MMP26: variants seen among roughly 807,000 people sequenced by gnomAD.
MMP26 encodes the protein matrix metalloproteinase-26.
A neutral mutation model predicts 31.0 loss-of-function variants in MMP26; 33 were observed. That is an observed-to-expected ratio of 1.06 (90% CI 0.81 to 1.42). MMP26 has a LOEUF of 1.42. Among genes scored for constraint, MMP26 ranks in the 40% most tolerant of loss-of-function variants. The pLI is 0.00. For synonymous variants in MMP26, 122 were observed against 114.9 expected (o/e 1.06, Z -0.40); for missense variants, 347 against 316.1 (o/e 1.10, Z -0.74).
At chr11:4,915,429 A>G in intron 2 of MMP26, 1 of 1,614,062 alleles carries the variant, frequency 6.2e-7, no homozygotes, top group Non-Finnish European at 8.5e-7. Flanking sequence ...GTGCAAAGGG[A>G]GAGACCCAGG....
At chr11:4,893,529 GTCTGCTTTGA>G (rs1216683723) in intron 2 of MMP26, among the ~76,000 whole-genome samples, 1 of 152,006 alleles carries the variant, frequency 6.6e-6, no homozygotes, top group Non-Finnish European at 1.5e-5. Flanking sequence ...CCTCAGAAAG[GTCTGCTTTGA>G]ACACCCTCAC....
At chr11:4,985,157 C>T (rs1320334526) in intron 2 of MMP26, among the ~76,000 whole-genome samples, 1 of 139,632 alleles carries the variant, frequency 7.2e-6, no homozygotes, top group Non-Finnish European at 1.6e-5. Context: ...TCATTTAATA[C>T]ATAATCTGAC....
intron 1 of MMP26, among the ~76,000 whole-genome samples, chr11:4,738,619 G>C (rs1299795890): frequency 1.3e-5 from 2 of 152,050 alleles, no homozygotes; most frequent in African/African-American, 4.8e-5. Context: ...AAAGAATTTG[G>C]CTTTTACCTC....
intron 6 of MMP26, 125 bp downstream of exon 6, chr11:4,991,621 C>T: frequency 3.3e-6 from 4 of 1,206,924 alleles, no homozygotes; most frequent in Non-Finnish European, 4.6e-6. Flanking sequence ...GGAATCAGGT[C>T]TTCTTTATAA....
intron 2 of MMP26, among the ~76,000 whole-genome samples, chr11:4,789,494 A>C (rs1445965237): frequency 1.4e-5 from 2 of 146,848 alleles, no homozygotes; most frequent in Non-Finnish European, 3.0e-5. Flanking sequence ...TTACCAGTAT[A>C]CAAGTTGATT....
intron 2 of MMP26, among the ~76,000 whole-genome samples, chr11:4,957,598 T>C (rs1257510028): frequency 6.6e-6 from 1 of 152,144 alleles, no homozygotes; most frequent in Non-Finnish European, 1.5e-5. Flanking sequence ...AACTCCACCT[T>C]ACACTCCCAC....
At chr11:4,784,174 A>C (rs1185770697) in intron 2 of MMP26, among the ~76,000 whole-genome samples, 1 of 152,196 alleles carries the variant, frequency 6.6e-6, no homozygotes, top group Admixed American at 6.5e-5. Flanking sequence ...AATATCTGGC[A>C]GTTAATAATG....
chr11:4,821,782 G>A (rs267602910), intron 2 of MMP26: 3 of 1,613,234 alleles, frequency 1.9e-6, no homozygotes, highest in African/African-American at 1.3e-5. Flanking sequence ...ACTGGCCATG[G>A]CCTTTGATCG....
chr11:4,988,910 G>A (rs1443692681), intron 3 of MMP26, among the ~76,000 whole-genome samples: 1 of 152,048 alleles, frequency 6.6e-6, no homozygotes, highest in Non-Finnish European at 1.5e-5. Context: ...CAGCTCAGCT[G>A]ATAATAAAAC....
At chr11:4,781,591 AAAAAAAAAAAAAAAAACT>A (rs2133432648) in intron 2 of MMP26, among the ~76,000 whole-genome samples, 1 of 61,170 alleles carries the variant, frequency 1.6e-5, no homozygotes, top group South Asian at 3.6e-4. Context: ...AAAAAAAAAA[AAAAAAAAAAAAAAAAACT>A]GATTGCATAA....
At chr11:4,818,756 G>T (rs149994761) in intron 2 of MMP26, among the ~76,000 whole-genome samples, 1 of 151,970 alleles carries the variant, frequency 6.6e-6, no homozygotes, top group Non-Finnish European at 1.5e-5. Context: ...TGTTTTTCTC[G>T]TTTATGTGTT....
At chr11:4,861,395 G>T (rs916717203) in intron 2 of MMP26, among the ~76,000 whole-genome samples, 2 of 150,284 alleles carry the variant, frequency 1.3e-5, no homozygotes, top group African/African-American at 2.4e-5. Context: ...ATATACATAC[G>T]CATAAATGTA....
At chr11:4,782,739 A>G (rs1404881143) in intron 2 of MMP26, among the ~76,000 whole-genome samples, 1 of 152,176 alleles carries the variant, frequency 6.6e-6, no homozygotes, top group Non-Finnish European at 1.5e-5. Context: ...GGCCAGGCCC[A>G]AGGTCTCTGT....
Position 4,882,860 on chromosome 11 carries a change from G to A in MMP26, c.-144-105208G>A, listed in dbSNP as rs374594879. 1.5e-5 allele frequency: 24 copies of A among 1,612,736 alleles called. No homozygotes were observed. In the Admixed American group the frequency reaches 3.3e-4, roughly 22 times the overall value. ...GGGTTCATGGGGTTTTAATGTGAGG[G>A]GTCTTAGGGGAAGATGGGATTGAAG... is the stretch of plus-strand genomic sequence containing the variant. On this transcript the variant is annotated intron_variant, in intron 2 of 7. Coordinates refer to ENST00000380390, the MANE Select transcript of MMP26 (RefSeq NM_021801.5).
intron 2 of MMP26, chr11:4,915,731 T>C (rs1851078296): frequency 3.0e-6 from 3 of 1,005,102 alleles, no homozygotes; most frequent in Non-Finnish European, 4.5e-6. Flanking sequence ...GCAGTACTGG[T>C]GATTGCACCT....
chr11:4,911,485 G>T (rs1850990761), intron 2 of MMP26, among the ~76,000 whole-genome samples: 1 of 152,090 alleles, frequency 6.6e-6, no homozygotes, highest in Non-Finnish European at 1.5e-5. Context: ...ATGCATAAAT[G>T]TCAGCCTCTC....
intron 2 of MMP26, among the ~76,000 whole-genome samples, chr11:4,844,468 A>T (rs1849839591): frequency 6.6e-6 from 1 of 152,110 alleles, no homozygotes; most frequent in South Asian, 2.1e-4. Context: ...AAAAAAGAAA[A>T]CTACAGGCCA....
chr11:4,832,737 C>T (rs566036789), intron 2 of MMP26: 2 of 181,146 alleles, frequency 1.1e-5, no homozygotes, highest in South Asian at 1.3e-4. Context: ...ATGGTTTGTT[C>T]GTTGCACTCT....
intron 2 of MMP26, among the ~76,000 whole-genome samples, chr11:4,800,183 C>G (rs1369110736): frequency 1.3e-5 from 2 of 152,258 alleles, no homozygotes; most frequent in Admixed American, 6.5e-5. Context: ...ACTAGAGTCT[C>G]TCTGTTAGTG....
Sources: gnomAD v4.1 joint callset for allele counts (sites outside exome capture counted in the v4.1 genomes callset) on GRCh38, gnomAD v4.1.1 for gene constraint, MANE v1.5 for transcripts, NCBI Gene and HGNC (gene_info 2026-07-23, HGNC 2026-07-21) for gene names.